CTNNA3: variants seen among roughly 807,000 people sequenced by gnomAD.
The protein encoded by CTNNA3 is catenin alpha-3.
A neutral mutation model predicts 95.7 loss-of-function variants in CTNNA3; 76 were observed. That is an observed-to-expected ratio of 0.79 (90% CI 0.66 to 0.96). The LOEUF is 0.96. Ranked by LOEUF, CTNNA3 falls within the 40% of genes least tolerant of loss-of-function variation. CTNNA3 has a pLI of 0.00. For synonymous variants in CTNNA3, 431 were observed against 374.4 expected, an observed-to-expected ratio of 1.15 and a Z score of -1.74; for missense variants, 1,191 against 1,089.8, an observed-to-expected ratio of 1.09 and a Z score of -1.31.
In CTNNA3 at chr10:67,478,686, T is replaced by C. The variant is rs1039592481; in HGVS notation, c.579+43156A>G. Reference sequence around the variant, plus strand: ...CTGCTACCACAAAAACATACTTAAATAAATAGCTCACAGAACCCATAAAGC... The same window carrying C: ...CTGCTACCACAAAAACATACTTAAACAAATAGCTCACAGAACCCATAAAGC... On this transcript the variant is annotated intron_variant, in intron 5 of 17. Coordinates refer to ENST00000433211, the MANE Select transcript of CTNNA3 (RefSeq NM_013266.4). Among the ~76,000 whole-genome samples the C allele has an allele frequency of 2.0e-5, 3 of 151,864 alleles. No individual in the cohort carries two copies. The South Asian group carries it at 6.2e-4, about 32-fold the overall frequency.
At chr10:67,004,954 A>G (rs1258663017) in intron 7 of CTNNA3, among the ~76,000 whole-genome samples, 1 of 152,142 alleles carries the variant, frequency 6.6e-6, no homozygotes, top group Non-Finnish European at 1.5e-5. Flanking sequence ...CCCCCAAAGA[A>G]AAGGACAAAA....
intron 14 of CTNNA3, among the ~76,000 whole-genome samples, chr10:66,082,445 G>A (rs559907072): frequency 2.1e-4 from 32 of 152,138 alleles, no homozygotes; most frequent in African/African-American, 6.0e-4. Flanking sequence ...TGAAACATAA[G>A]GGAAGATTCA....
rs1226227703 is a variant in CTNNA3 at position 67,036,275 on chromosome 10, C to T, written c.1047+144042G>A. ...TCAAGAGATCCTCCACCACACCCAG[C>T]TTTTTTTTTTTGAGACAGAGTTTTG... On this transcript the variant is annotated intron_variant, in intron 7 of 17. Transcript: ENST00000433211. 3.4e-5 allele frequency among the ~76,000 whole-genome samples: 5 copies of T among 145,544 alleles called. No homozygotes were observed. In the East Asian group the frequency reaches 7.9e-4, roughly 23 times the overall value.
At chr10:66,225,415 A>ATG (rs2089229601) in intron 13 of CTNNA3, among the ~76,000 whole-genome samples, 1 of 146,072 alleles carries the variant, frequency 6.8e-6, no homozygotes, top group African/African-American at 2.5e-5. Context: ...ATATATATAT[A>ATG]TATATATGAA....
chr10:67,155,677 C>T (rs186233234), intron 7 of CTNNA3, among the ~76,000 whole-genome samples: 5 of 152,146 alleles, frequency 3.3e-5, no homozygotes, highest in African/African-American at 1.2e-4. Context: ...TGGCTTCCAT[C>T]TTCTTTATCA....
chr10:67,188,539 G>C (rs1862971051), intron 6 of CTNNA3, among the ~76,000 whole-genome samples: 2 of 152,158 alleles, frequency 1.3e-5, no homozygotes, highest in African/African-American at 4.8e-5. Context: ...CTTGTATGCT[G>C]CTGGTAGAAA....
At chr10:67,463,498 C>T (rs1177289353) in intron 5 of CTNNA3, among the ~76,000 whole-genome samples, 1 of 152,116 alleles carries the variant, frequency 6.6e-6, no homozygotes, top group African/African-American at 2.4e-5. Context: ...ACTTAAATGA[C>T]ACAAAGGCAA....
chr10:66,988,017 A>G (rs1162299188), intron 7 of CTNNA3, among the ~76,000 whole-genome samples: 1 of 152,194 alleles, frequency 6.6e-6, no homozygotes, highest in African/African-American at 2.4e-5. Flanking sequence ...TTAGTATCAA[A>G]ACTTTATTTA....
intron 9 of CTNNA3, among the ~76,000 whole-genome samples, chr10:66,650,945 G>C (rs183215496): frequency 1.3e-5 from 2 of 152,098 alleles, no homozygotes; most frequent in Non-Finnish European, 2.9e-5. Context: ...CCGCTGGCTC[G>C]GGCAGCCTCC....
chr10:67,187,584 C>T (rs1192403003), intron 6 of CTNNA3, among the ~76,000 whole-genome samples: 1 of 151,594 alleles, frequency 6.6e-6, no homozygotes. Flanking sequence ...CCCTTTGTTT[C>T]TTTCTTTTTT....
At chr10:66,584,033 G>A (rs1301434394) in intron 10 of CTNNA3, among the ~76,000 whole-genome samples, 1 of 151,706 alleles carries the variant, frequency 6.6e-6, no homozygotes, top group Admixed American at 6.6e-5. Flanking sequence ...TTTTACCGTG[G>A]TCTGACAAGA....
intron 7 of CTNNA3, among the ~76,000 whole-genome samples, chr10:66,809,842 T>C (rs1435006171): frequency 6.6e-6 from 1 of 151,656 alleles, no homozygotes; most frequent in African/African-American, 2.4e-5. Flanking sequence ...CTCGCCCTTG[T>C]CCTCCAGGCT....
chr10:66,943,745 C>T (rs1271355744), intron 7 of CTNNA3, among the ~76,000 whole-genome samples: 1 of 152,074 alleles, frequency 6.6e-6, no homozygotes, highest in Non-Finnish European at 1.5e-5. Context: ...TCCAGAACCC[C>T]ACCATAAAGT....
intron 2 of CTNNA3, among the ~76,000 whole-genome samples, chr10:67,632,055 T>C (rs1451890903): frequency 1.3e-5 from 2 of 151,724 alleles, no homozygotes; most frequent in Non-Finnish European, 2.9e-5. Context: ...CTGTGTAGCA[T>C]GGTGACTATA....
intron 3 of CTNNA3, among the ~76,000 whole-genome samples, chr10:67,564,677 G>GTATGTGTATATATA (rs1554854250): frequency 1.6e-5 from 1 of 61,312 alleles, no homozygotes; most frequent in African/African-American, 6.4e-5. Context: ...GTGTGTGTGT[G>GTATGTGTATATATA]TATATATATA....
At chr10:66,359,821 C>A (rs1433842288) in intron 12 of CTNNA3, among the ~76,000 whole-genome samples, 1 of 130,384 alleles carries the variant, frequency 7.7e-6, no homozygotes, top group East Asian at 2.4e-4. Context: ...TTGTACCAAT[C>A]ATCTTACTAT....
intron 13 of CTNNA3, among the ~76,000 whole-genome samples, chr10:66,209,236 G>A (rs1460296520): frequency 6.6e-6 from 1 of 152,036 alleles, no homozygotes; most frequent in Non-Finnish European, 1.5e-5. Context: ...TTTATGTCAT[G>A]ACTCTTCTAA....
chr10:67,416,464 C>T (rs1312636728), intron 5 of CTNNA3, among the ~76,000 whole-genome samples: 2 of 151,582 alleles, frequency 1.3e-5, no homozygotes, highest in African/African-American at 2.4e-5. Context: ...AAAAATTAGC[C>T]GGGCGTGGTG....
At chr10:66,122,084 A>T (rs898583737) in intron 13 of CTNNA3, among the ~76,000 whole-genome samples, 1 of 152,198 alleles carries the variant, frequency 6.6e-6, no homozygotes, top group Non-Finnish European at 1.5e-5. Context: ...ACTCTTAATA[A>T]AGGCTAGAAT....
Sources: allele counts gnomAD v4.1 joint callset (sites outside exome capture counted in the v4.1 genomes callset), GRCh38; gene constraint gnomAD v4.1.1; transcripts MANE v1.5; gene names NCBI Gene and HGNC (gene_info 2026-07-23, HGNC 2026-07-21).